WHRN: variants seen among roughly 807,000 people sequenced by gnomAD.
WHRN encodes the protein whirlin.
A neutral mutation model predicts 68.3 loss-of-function variants in WHRN; 41 were observed. The observed-to-expected ratio is 0.60, with a 90% CI of 0.47 to 0.78. The LOEUF is 0.78. WHRN is among the 30% of genes least tolerant of loss of function. The pLI, the probability that WHRN is intolerant of heterozygous loss-of-function variation, is 0.00. For missense variants in WHRN, 1,243 were observed against 1,244.7 expected, an observed-to-expected ratio of 1.00 and a Z score of 0.02; for synonymous variants, 560 against 561.3, an observed-to-expected ratio of 1.00 and a Z score of 0.03.
chr9:114,478,725 CCTG>C lies in WHRN; in HGVS notation c.662_664del (p.Ala221del). On this transcript the variant is annotated inframe_deletion, in exon 2 of 12. Transcript: ENST00000362057. ...GGTGACGTAGCCCCCAGGGATGCGCCCTGCTGAGTACACAGACAGCACCAGCTT... is the reference window on the plus strand; with the variant it reads ...GGTGACGTAGCCCCCAGGGATGCGCCCTGAGTACACAGACAGCACCAGCTT... 1.2e-6 allele frequency: 2 copies of C among 1,612,716 alleles called. No homozygotes were observed. Among genetic ancestry groups the C allele is most frequent in the Non-Finnish European group, 1.7e-6 (2 of 1,179,972 alleles).
intron 3 of WHRN, among the ~76,000 whole-genome samples, chr9:114,456,564 A>G (rs1030489605): frequency 1.3e-5 from 2 of 152,162 alleles, no homozygotes; most frequent in Admixed American, 6.5e-5. Context: ...GTGGTGGCTC[A>G]CGTCTGTAAT....
At chr9:114,407,655 C>T (rs10982201) in intron 8 of WHRN, among the ~76,000 whole-genome samples, 1 of 151,910 alleles carries the variant, frequency 6.6e-6, no homozygotes, top group Non-Finnish European at 1.5e-5. Flanking sequence ...CCCACTTTAC[C>T]GACGGGGAAA....
intron 1 of WHRN, 88 bp downstream of exon 1, chr9:114,504,096 T>C (rs2133469896): frequency 1.3e-6 from 2 of 1,587,076 alleles, no homozygotes; most frequent in African/African-American, 2.7e-5. Flanking sequence ...AAGTGATTCA[T>C]CTAAGGACAC....
intron 1 of WHRN, among the ~76,000 whole-genome samples, chr9:114,484,015 T>G (rs1418739603): frequency 6.6e-6 from 1 of 152,172 alleles, no homozygotes; most frequent in Admixed American, 6.5e-5. Flanking sequence ...CAGTGAGCAC[T>G]TGAGCTATGC....
At chr9:114,415,049 C>A (rs1835712564) in intron 7 of WHRN, among the ~76,000 whole-genome samples, 1 of 152,154 alleles carries the variant, frequency 6.6e-6, no homozygotes, top group Non-Finnish European at 1.5e-5. Flanking sequence ...GTAATCCTAG[C>A]ACTTTGAGAG....
At chr9:114,424,875 G>A (rs1836674336) in intron 5 of WHRN, 113 bp downstream of exon 5, 2 of 1,188,596 alleles carry the variant, frequency 1.7e-6, no homozygotes, top group Non-Finnish European at 2.5e-6. Context: ...CAGATAAGGG[G>A]CTGCCCAGTT....
At chr9:114,467,590 C>T (rs967752633) in intron 2 of WHRN, among the ~76,000 whole-genome samples, 1 of 152,016 alleles carries the variant, frequency 6.6e-6, no homozygotes, top group South Asian at 2.1e-4. Context: ...AAGTCCCGCC[C>T]GGGAGGAGGT....
chr9:114,478,523 A>AGGCTG (rs1471752410), intron 2 of WHRN, 30 bp downstream of exon 2: 1 of 1,611,772 alleles, frequency 6.2e-7, no homozygotes, highest in East Asian at 2.2e-5. Flanking sequence ...GGTGTCTGAG[A>AGGCTG]GGCTGGCCTC....
chr9:114,485,958 G>A (rs1842444540), intron 1 of WHRN, among the ~76,000 whole-genome samples: 1 of 152,130 alleles, frequency 6.6e-6, no homozygotes, highest in Admixed American at 6.5e-5. Context: ...AGACTACGGT[G>A]AGCTATGATC....
chr9:114,430,120 G>T (rs910613649), intron 3 of WHRN, among the ~76,000 whole-genome samples: 5 of 152,142 alleles, frequency 3.3e-5, no homozygotes, highest in African/African-American at 1.2e-4. Flanking sequence ...TTAAAGGAAC[G>T]GGCATCCAAG....
chr9:114,497,955 AC>A (rs1843607350), intron 1 of WHRN, among the ~76,000 whole-genome samples: 1 of 152,148 alleles, frequency 6.6e-6, no homozygotes, highest in African/African-American at 2.4e-5. Context: ...TGAACTGCCC[AC>A]GGCCACAAAG....
rs144134908 is a variant in WHRN at position 114,425,736 on chromosome 9, C to T, written c.1166+475G>A. On this transcript the variant is annotated intron_variant, in intron 4 of 11. Coordinates refer to ENST00000362057, the MANE Select transcript of WHRN (RefSeq NM_015404.4). ...GAAGATCAAAAGGTGACACATTACACTGTTGGCAACTATGCAGCCACCTGG... is the reference window on the plus strand; with the variant it reads ...GAAGATCAAAAGGTGACACATTACATTGTTGGCAACTATGCAGCCACCTGG... 480 of 264,060 alleles carry T rather than the reference C, an allele frequency of 1.8e-3. 6 individuals carry two copies. Among genetic ancestry groups the T allele is most frequent in the African/African-American group, 1.0e-2 (456 of 45,662 alleles). The allele number at this position is 264,060 out of a possible 1,614,324, so 16.4% of individuals were successfully genotyped here. A position where few individuals can be genotyped will look rare whatever the true frequency, so the allele number is the denominator to read the frequency against.
rs1439491103 is a variant in WHRN, at chr9:114,504,396, CT to C, written c.405del (p.Glu137ArgfsTer5). The part of the protein sequence containing the change: ...PAWGGPDSAG[P>X]GEVRLVSLRR... ...CGCAAACTCACCAGGCGCACCTCCCCTGGCCCCGCGCTGTCGGGGCCGCCCC... is the reference window on the plus strand; with the variant it reads ...CGCAAACTCACCAGGCGCACCTCCCCGGCCCCGCGCTGTCGGGGCCGCCCC... On this transcript the variant is annotated frameshift_variant, in exon 1 of 12. Transcript: ENST00000362057. LOFTEE classifies it high-confidence loss of function. The C allele has an allele frequency of 6.2e-7, 1 of 1,605,816 alleles. No individual in the cohort carries two copies. Among genetic ancestry groups the C allele is most frequent in the African/African-American group, 1.3e-5 (1 of 74,930 alleles).
At chr9:114,461,437 C>A (rs1246677886) in intron 3 of WHRN, among the ~76,000 whole-genome samples, 2 of 152,184 alleles carry the variant, frequency 1.3e-5, no homozygotes, top group African/African-American at 4.8e-5. Context: ...TTAATAACAG[C>A]CCACAGACAT....
In WHRN at chr9:114,505,160, G is replaced by A. The variant is rs978955543; in HGVS notation, c.-359C>T. 5.8e-5 allele frequency: 13 copies of A among 225,326 alleles called. No individual in the cohort carries two copies. Among genetic ancestry groups the A allele is most frequent in the Non-Finnish European group, 1.1e-4 (13 of 117,014 alleles). 14.0% of individuals were successfully genotyped at this position (225,326 alleles called of 1,614,324 possible). ...ACATTCTGGAGGGCACGGAGACGAC[G>A]GGTGGCTGGAGTTTGGGGGCGCCGC... On this transcript the variant is annotated 5_prime_UTR_variant, in exon 1 of 12. Transcript: ENST00000362057.
At chr9:114,425,133 T>C (rs985354131) in intron 4 of WHRN, 109 bp from the exon 5 acceptor site, 2 of 1,142,640 alleles carry the variant, frequency 1.8e-6, no homozygotes, top group Non-Finnish European at 2.7e-6. Context: ...AAGAGAACCA[T>C]GCATCGTGGC....
At chr9:114,458,220 G>A (rs1015713415) in intron 3 of WHRN, among the ~76,000 whole-genome samples, 2 of 152,130 alleles carry the variant, frequency 1.3e-5, no homozygotes, top group Non-Finnish European at 2.9e-5. Context: ...ACTGTACACA[G>A]TGGCTTGGGA....
intron 10 of WHRN, among the ~76,000 whole-genome samples, chr9:114,403,585 C>T (rs1046984485): frequency 6.6e-6 from 1 of 152,228 alleles, no homozygotes; most frequent in Non-Finnish European, 1.5e-5. Flanking sequence ...GGCATCAGGA[C>T]TTGAATCGAA....
chr9:114,500,745 C>T (rs115749855), intron 1 of WHRN, among the ~76,000 whole-genome samples: 25 of 152,308 alleles, frequency 1.6e-4, no homozygotes, highest in African/African-American at 5.1e-4. Flanking sequence ...GCTCCCAGGG[C>T]GGTGCTGTTT....
Sources: gnomAD v4.1 joint callset for allele counts (sites outside exome capture counted in the v4.1 genomes callset) on GRCh38, gnomAD v4.1.1 for gene constraint, MANE v1.5 for transcripts, NCBI Gene and HGNC (gene_info 2026-07-23, HGNC 2026-07-21) for gene names.